LRRTM4: variants seen among roughly 807,000 people sequenced by gnomAD.
LRRTM4 encodes leucine rich repeat transmembrane neuronal 4.
LRRTM4 carries 25 observed loss-of-function variants against 47.6 expected under a neutral mutation model. The ratio of observed to expected loss-of-function variants is 0.53; its 90% confidence interval spans 0.38 to 0.73. The LOEUF is 0.73. Among genes scored for constraint, LRRTM4 ranks in the 30% least tolerant of loss-of-function variants. The pLI is 0.00. For missense variants in LRRTM4, 638 were observed against 713.4 expected (o/e 0.89, Z 1.20); for synonymous variants, 311 against 269.5 (o/e 1.15, Z -1.51).
At chr2:77,441,800 A>G (rs1470273097) in intron 3 of LRRTM4, among the ~76,000 whole-genome samples, 1 of 152,176 alleles carries the variant, frequency 6.6e-6, no homozygotes, top group Non-Finnish European at 1.5e-5. Flanking sequence ...TAAACTTGTT[A>G]TTTCTGCTGG....
chr2:76,787,266 C>T (rs1004873519), intron 3 of LRRTM4, among the ~76,000 whole-genome samples: 3 of 152,078 alleles, frequency 2.0e-5, no homozygotes, highest in Non-Finnish European at 2.9e-5. Context: ...ATTTAGAATG[C>T]ACAATTGGCA....
chr2:77,308,253 A>G (rs1318170866), intron 3 of LRRTM4, among the ~76,000 whole-genome samples: 1 of 151,246 alleles, frequency 6.6e-6, no homozygotes, highest in Non-Finnish European at 1.5e-5. Context: ...AATGAAATTC[A>G]AATTCATGTT....
rs151147766 is a variant in LRRTM4 at position 77,340,704 on chromosome 2, A to C, written c.1551+177614T>G. On this transcript the variant is annotated intron_variant, in intron 3 of 3. Transcript: ENST00000409884. ...CGTGTTTGTATTCTCTTGATTTATC[A>C]TTTATTGAGCATGAGAAATGATTTC... Among the ~76,000 whole-genome samples, 353 of 152,040 alleles carry C rather than the reference A, an allele frequency of 2.3e-3. 1 individual carries two copies. Among genetic ancestry groups the C allele is most frequent in the African/African-American group, 8.2e-3 (340 of 41,530 alleles).
At chr2:76,978,524 G>A (rs1573395503) in intron 3 of LRRTM4, among the ~76,000 whole-genome samples, 1 of 152,032 alleles carries the variant, frequency 6.6e-6, no homozygotes, top group Non-Finnish European at 1.5e-5. Context: ...TGCATTTTAA[G>A]AAATGGATGA....
At chr2:76,934,280 C>A (rs1200315887) in intron 3 of LRRTM4, among the ~76,000 whole-genome samples, 1 of 152,042 alleles carries the variant, frequency 6.6e-6, no homozygotes, top group Non-Finnish European at 1.5e-5. Context: ...CTTTATCAGA[C>A]AGTTAAACTA....
intron 3 of LRRTM4, among the ~76,000 whole-genome samples, chr2:77,112,952 AT>A (rs1229625528): frequency 6.6e-6 from 1 of 152,184 alleles, no homozygotes; most frequent in Non-Finnish European, 1.5e-5. Flanking sequence ...GAGCATGCTC[AT>A]CCGAGACAGA....
chr2:76,926,486 T>C (rs1310290226), intron 3 of LRRTM4, among the ~76,000 whole-genome samples: 1 of 152,152 alleles, frequency 6.6e-6, no homozygotes, highest in African/African-American at 2.4e-5. Flanking sequence ...TTAAATGCTA[T>C]GGATTGAATG....
chr2:77,423,259 A>AT (rs1016334476), intron 3 of LRRTM4, among the ~76,000 whole-genome samples: 8 of 151,222 alleles, frequency 5.3e-5, no homozygotes, highest in South Asian at 2.1e-4. Context: ...TTTGCATGTA[A>AT]TTTTTTTTTA....
intron 3 of LRRTM4, among the ~76,000 whole-genome samples, chr2:77,070,149 T>C (rs1160088470): frequency 2.6e-5 from 4 of 152,116 alleles, no homozygotes; most frequent in African/African-American, 4.8e-5. Flanking sequence ...GGCAAAAATA[T>C]ATCCGAGTTT....
intron 3 of LRRTM4, among the ~76,000 whole-genome samples, chr2:76,841,967 ATGAT>A (rs1558687681): frequency 1.3e-5 from 2 of 152,182 alleles, no homozygotes; most frequent in Non-Finnish European, 2.9e-5. Flanking sequence ...ATTTCTTGTG[ATGAT>A]TAATTTCATG....
At chr2:76,974,155 C>CATACAT (rs1676318120) in intron 3 of LRRTM4, among the ~76,000 whole-genome samples, 1 of 128,314 alleles carries the variant, frequency 7.8e-6, no homozygotes, top group South Asian at 2.5e-4. Context: ...TATATACATA[C>CATACAT]ATATATATAT....
At chr2:77,002,460 C>T (rs971226469) in intron 3 of LRRTM4, among the ~76,000 whole-genome samples, 7 of 152,140 alleles carry the variant, frequency 4.6e-5, no homozygotes, top group African/African-American at 1.7e-4. Context: ...TCTGTTTCCC[C>T]ATAACCACCA....
chr2:76,855,627 T>C (rs1672126855), intron 3 of LRRTM4, among the ~76,000 whole-genome samples: 1 of 152,112 alleles, frequency 6.6e-6, no homozygotes. Flanking sequence ...TAATAAAAAT[T>C]AGAATAAATA....
intron 3 of LRRTM4, among the ~76,000 whole-genome samples, chr2:76,950,941 C>A (rs1467532410): frequency 6.6e-6 from 1 of 151,970 alleles, no homozygotes; most frequent in Admixed American, 6.6e-5. Flanking sequence ...TCACGTGCAG[C>A]CTGTTTTCCT....
intron 3 of LRRTM4, among the ~76,000 whole-genome samples, chr2:76,888,091 A>AGT (rs895935215): frequency 1.3e-5 from 2 of 150,214 alleles, no homozygotes; most frequent in Non-Finnish European, 3.0e-5. Context: ...ATACATATAT[A>AGT]GTGTGTGTGT....
rs556174545 is a variant in LRRTM4 at position 77,194,625 on chromosome 2, A to C, written c.1551+323693T>G. ...TAAGTTACTGTGAATCTCCTGTCTC[A>C]TCTGGCTACAACTGCCTCCAGAGGA... is the stretch of plus-strand genomic sequence containing the variant. On this transcript the variant is annotated intron_variant, in intron 3 of 3. Transcript: ENST00000409884. Among the ~76,000 whole-genome samples the C allele has an allele frequency of 1.1e-3, 165 of 152,274 alleles. 1 individual carries two copies. The highest frequency in any genetic ancestry group is 3.8e-3 in the African/African-American group (157 of 41,562).
chr2:77,050,551 G>T (rs781575986), intron 3 of LRRTM4, among the ~76,000 whole-genome samples: 7 of 152,122 alleles, frequency 4.6e-5, no homozygotes, highest in Non-Finnish European at 8.8e-5. Flanking sequence ...ATATCATTAT[G>T]AAGACCAAGA....
intron 3 of LRRTM4, among the ~76,000 whole-genome samples, chr2:77,173,119 G>A (rs541257941): frequency 6.6e-6 from 1 of 152,144 alleles, no homozygotes; most frequent in Non-Finnish European, 1.5e-5. Context: ...ATTAATATGA[G>A]TGAAAAGTTT....
At chr2:77,079,164 G>A (rs1446144403) in intron 3 of LRRTM4, among the ~76,000 whole-genome samples, 1 of 152,128 alleles carries the variant, frequency 6.6e-6, no homozygotes, top group Non-Finnish European at 1.5e-5. Context: ...AGAAACAACT[G>A]ACATAAGGGA....
Sources: allele counts gnomAD v4.1 joint callset (sites outside exome capture counted in the v4.1 genomes callset), GRCh38; gene constraint gnomAD v4.1.1; transcripts MANE v1.5; gene names NCBI Gene and HGNC (gene_info 2026-07-23, HGNC 2026-07-21).